Variants in REDIC1 observed in about 807,000 individuals in gnomAD.
REDIC1 encodes the protein regulator of DNA class I crossover intermediates 1, also known as HEI10 Interacting Protein 1.
chr12:39,896,358 G>T, the REDIC1 span, among the ~76,000 whole-genome samples: 2 of 137,072 alleles, frequency 1.5e-5, no homozygotes, highest in South Asian at 4.5e-4. Flanking sequence ...GTATGTATAT[G>T]TGTATATATG....
the REDIC1 span, among the ~76,000 whole-genome samples, chr12:39,880,189 C>A: frequency 2.6e-5 from 4 of 152,250 alleles, no homozygotes; most frequent in South Asian, 8.3e-4. Flanking sequence ...GTTTGTAGAA[C>A]CATAAGCCAA....
At chr12:39,822,012 G>A in the REDIC1 span, among the ~76,000 whole-genome samples, 2 of 151,686 alleles carry the variant, frequency 1.3e-5, no homozygotes, top group Admixed American at 6.6e-5. Flanking sequence ...CTGGTGCGCT[G>A]CACACACTAA....
At chr12:39,702,900 C>T in the REDIC1 span, among the ~76,000 whole-genome samples, 1 of 152,190 alleles carries the variant, frequency 6.6e-6, no homozygotes, top group Non-Finnish European at 1.5e-5. Context: ...ATGCTAAAAA[C>T]TCTCAATAAA....
chr12:39,659,204 T>C, the REDIC1 span, among the ~76,000 whole-genome samples: 3 of 151,908 alleles, frequency 2.0e-5, no homozygotes, highest in African/African-American at 7.2e-5. Context: ...ATATATAATA[T>C]AGTTTTTATC....
At chr12:39,721,079 TACAA>T in the REDIC1 span, 3 of 1,613,762 alleles carry the variant, frequency 1.9e-6, no homozygotes, top group Middle Eastern at 1.7e-4. Flanking sequence ...GATGCAGGGA[TACAA>T]ACAGAGAGTG....
the REDIC1 span, among the ~76,000 whole-genome samples, chr12:39,802,673 TTATATA>T: frequency 6.6e-6 from 1 of 152,160 alleles, no homozygotes; most frequent in Non-Finnish European, 1.5e-5. Context: ...ATATTTATAT[TTATATA>T]TGTCTATGTA....
At chr12:39,846,447 A>G in the REDIC1 span, among the ~76,000 whole-genome samples, 3 of 152,074 alleles carry the variant, frequency 2.0e-5, no homozygotes, top group Non-Finnish European at 4.4e-5. Context: ...TCTAAAATTC[A>G]CTTAACTTCT....
At chr12:39,763,330 C>G in the REDIC1 span, among the ~76,000 whole-genome samples, 2 of 151,960 alleles carry the variant, frequency 1.3e-5, no homozygotes, top group Non-Finnish European at 2.9e-5. Context: ...ATACCATTAA[C>G]TAAAAGCAAA....
the REDIC1 span, among the ~76,000 whole-genome samples, chr12:39,897,118 CT>C: frequency 1.3e-5 from 2 of 152,064 alleles, no homozygotes; most frequent in African/African-American, 4.8e-5. Flanking sequence ...ATCATTGTTC[CT>C]GTGAATTAAG....
chr12:39,679,930 G>T, the REDIC1 span, among the ~76,000 whole-genome samples: 1 of 152,092 alleles, frequency 6.6e-6, no homozygotes, highest in Non-Finnish European at 1.5e-5. Flanking sequence ...GGGATAGTTG[G>T]CAAGCCACAT....
At chr12:39,667,995 A>G in the REDIC1 span, among the ~76,000 whole-genome samples, 1 of 152,122 alleles carries the variant, frequency 6.6e-6, no homozygotes, top group East Asian at 1.9e-4. Context: ...AATACAGCAC[A>G]CTGATGGGTC....
the REDIC1 span, among the ~76,000 whole-genome samples, chr12:39,659,541 G>A: frequency 1.5e-4 from 22 of 151,692 alleles, no homozygotes; most frequent in Non-Finnish European, 2.2e-4. Context: ...TGTATCTTCC[G>A]TGTGGTCTTA....
chr12:39,653,539 T>TTCTTCTTCTTCTTCTTC, the REDIC1 span, among the ~76,000 whole-genome samples: 16 of 56,112 alleles, frequency 2.9e-4, no homozygotes, highest in African/African-American at 8.4e-4. Flanking sequence ...TCTTCTTCTT[T>TTCTTCTTCTTCTTCTTC]TTCTTCTTCT....
chr12:39,737,731 G>A, the REDIC1 span, among the ~76,000 whole-genome samples: 1 of 152,194 alleles, frequency 6.6e-6, no homozygotes, highest in Admixed American at 6.5e-5. Context: ...TCTAATGACT[G>A]ATTTTTACCT....
chr12:39,683,407 T>A, the REDIC1 span: 1 of 1,572,466 alleles, frequency 6.4e-7, no homozygotes. Flanking sequence ...ATACTTTTAT[T>A]TTTTAAGAAA....
the REDIC1 span, among the ~76,000 whole-genome samples, chr12:39,665,279 C>T: frequency 6.6e-6 from 1 of 152,312 alleles, no homozygotes; most frequent in Non-Finnish European, 1.5e-5. Context: ...CCAGTTTCAG[C>T]TTTCTACATA....
chr12:39,866,566 C>A, the REDIC1 span, among the ~76,000 whole-genome samples: 1 of 152,018 alleles, frequency 6.6e-6, no homozygotes. Flanking sequence ...GCAGGCTCCG[C>A]CCCCCGGGGT....
chr12:39,713,445 T>C, the REDIC1 span, among the ~76,000 whole-genome samples: 2 of 139,286 alleles, frequency 1.4e-5, no homozygotes, highest in Non-Finnish European at 3.2e-5. Context: ...TACATATACA[T>C]ATGTATACAT....
the REDIC1 span, among the ~76,000 whole-genome samples, chr12:39,766,956 G>T: frequency 6.6e-6 from 1 of 151,956 alleles, no homozygotes; most frequent in South Asian, 2.1e-4. Context: ...ATAAAGGTTG[G>T]AACAACTTCT....
Sources: gnomAD v4.1 joint callset for allele counts (sites outside exome capture counted in the v4.1 genomes callset) on GRCh38, gnomAD v4.1.1 for gene constraint, MANE v1.5 for transcripts, NCBI Gene and HGNC (gene_info 2026-07-23, HGNC 2026-07-21) for gene names.